THUMPD2: variants seen among roughly 807,000 people sequenced by gnomAD.
The protein encoded by THUMPD2 is U6 snRNA (guanine-N(2))-methyltransferase THUMPD2.
A neutral mutation model predicts 49.4 loss-of-function variants in THUMPD2; 56 were observed. The ratio of observed to expected loss-of-function variants is 1.13; its 90% CI spans 0.91 to 1.41. The LOEUF is 1.41. Among genes scored for constraint, THUMPD2 ranks in the 40% most tolerant of loss-of-function variants. THUMPD2 has a pLI of 0.00. For synonymous variants in THUMPD2, 237 were observed against 205.2 expected (o/e 1.15, Z -1.32); for missense variants, 709 against 594.5 (o/e 1.19, Z -2.00).
intron 8 of THUMPD2, among the ~76,000 whole-genome samples, chr2:39,753,559 A>C (rs1222298735): frequency 1.3e-5 from 2 of 152,188 alleles, no homozygotes; most frequent in African/African-American, 4.8e-5. Context: ...TACTAACTTG[A>C]CATCTTCACT....
Position 39,771,606 on chromosome 2 carries a change from G to C in THUMPD2, c.161C>G (p.Thr54Ser), listed in dbSNP as rs757752629. 1.9e-6 allele frequency: 3 copies of C among 1,603,796 alleles called. No homozygotes were observed. In the Admixed American group the frequency reaches 5.2e-5, roughly 28 times the overall value. ...EYISGKVFFT[T>S]CSDLNMLKKL... The stretch of plus-strand genomic sequence containing the variant: ...CTTCAACATATTCAAATCAGAACAG[G>C]TGGTGAAAAAAACCTTTCCTGAAAT... The change falls in exon 2 of 10, where the codon ACC (threonine) becomes AGC (serine). Residue 54 changes from threonine to serine, a missense_variant. Coordinates refer to ENST00000505747, the MANE Select transcript of THUMPD2 (RefSeq NM_025264.5).
chr2:39,736,248 T>C lies in THUMPD2; in HGVS notation c.*487A>G, dbSNP rs1673069509. 1 of 152,880 alleles carries C rather than the reference T, an allele frequency of 6.5e-6. No individual in the cohort carries two copies. The highest frequency in any genetic ancestry group is 1.5e-5 in the Non-Finnish European group (1 of 68,538). The allele number at this position is 152,880 out of a possible 1,614,324, so 9.5% of individuals were successfully genotyped here. On this transcript the variant is annotated 3_prime_UTR_variant, in exon 10 of 10. Transcript: ENST00000505747. Reference sequence around the variant, plus strand: ...TTATTCTCACTGTTGGTTTACATAATAAACATATAAAATGTATTGCAAATA... The same window carrying C: ...TTATTCTCACTGTTGGTTTACATAACAAACATATAAAATGTATTGCAAATA...
At chr2:39,745,360 C>A (rs913739202) in intron 8 of THUMPD2, among the ~76,000 whole-genome samples, 2 of 152,134 alleles carry the variant, frequency 1.3e-5, no homozygotes, top group South Asian at 4.1e-4. Context: ...TCTCCTAGTT[C>A]TAACCCTTAT....
chr2:39,748,134 T>G (rs184216010), intron 8 of THUMPD2, among the ~76,000 whole-genome samples: 4 of 152,358 alleles, frequency 2.6e-5, no homozygotes, highest in Non-Finnish European at 4.4e-5. Context: ...CAAAAGCTAA[T>G]GTATTTTGGC....
At chr2:39,749,071 T>C (rs1675026152) in intron 8 of THUMPD2, among the ~76,000 whole-genome samples, 1 of 152,180 alleles carries the variant, frequency 6.6e-6, no homozygotes, top group African/African-American at 2.4e-5. Flanking sequence ...TAATTATGAA[T>C]TATATGGGTA....
In THUMPD2 at chr2:39,738,728, T is replaced by C. The variant is rs1388300628; in HGVS notation, c.1188-1669A>G. Reference sequence around the variant, plus strand: ...TATATATGTAAAATAACAAATGCTATAGGACTAACAGGTGATCAGGATTAT... The same window carrying C: ...TATATATGTAAAATAACAAATGCTACAGGACTAACAGGTGATCAGGATTAT... On this transcript the variant is annotated intron_variant, in intron 9 of 9. Coordinates refer to ENST00000505747, the MANE Select transcript of THUMPD2 (RefSeq NM_025264.5). Among the ~76,000 whole-genome samples the C allele has an allele frequency of 5.3e-5, 8 of 150,564 alleles. No homozygotes were observed. In the South Asian group the frequency reaches 1.5e-3, roughly 28 times the overall value.
At chr2:39,739,986 T>A (rs1204958520) in intron 9 of THUMPD2, among the ~76,000 whole-genome samples, 2 of 152,192 alleles carry the variant, frequency 1.3e-5, no homozygotes, top group East Asian at 3.8e-4. Context: ...GTAGTAGTAG[T>A]AGAATAACAG....
chr2:39,748,347 AT>A (rs923421142), intron 8 of THUMPD2, among the ~76,000 whole-genome samples: 1 of 151,894 alleles, frequency 6.6e-6, no homozygotes, highest in Non-Finnish European at 1.5e-5. Context: ...ATGCAGAAGC[AT>A]TTTTTTTGCA....
At chr2:39,774,296 A>T (rs1303878435) in intron 1 of THUMPD2, among the ~76,000 whole-genome samples, 2 of 152,258 alleles carry the variant, frequency 1.3e-5, no homozygotes, top group South Asian at 4.1e-4. Flanking sequence ...GATTACATTT[A>T]TTTCAATGTT....
intron 4 of THUMPD2, 28 bp from the exon 5 acceptor site, chr2:39,766,137 T>C (rs1357187060): frequency 6.6e-7 from 1 of 1,505,278 alleles, no homozygotes; most frequent in South Asian, 1.3e-5. Flanking sequence ...GAAGTTAGAA[T>C]GGAACAAGAA....
chr2:39,755,762 AAAT>A, intron 7 of THUMPD2, 124 bp downstream of exon 7: 1 of 758,876 alleles, frequency 1.3e-6, no homozygotes, highest in Non-Finnish European at 2.1e-6. Context: ...TATTTTGAGT[AAAT>A]AATAACTCAT....
intron 9 of THUMPD2, among the ~76,000 whole-genome samples, chr2:39,742,929 T>G (rs1480384201): frequency 6.6e-6 from 1 of 152,190 alleles, no homozygotes; most frequent in African/African-American, 2.4e-5. Context: ...ATGAAATGTC[T>G]GAATTATAGG....
intron 6 of THUMPD2, chr2:39,757,245 T>C (rs1037021908): frequency 1.9e-6 from 1 of 517,948 alleles, no homozygotes; most frequent in Admixed American, 2.5e-5. Context: ...AGCAGGAACG[T>C]ACCCCACTGT....
At chr2:39,765,907 A>G in intron 5 of THUMPD2, 150 bp downstream of exon 5, 3 of 668,054 alleles carry the variant, frequency 4.5e-6, no homozygotes, top group Non-Finnish European at 7.7e-6. Context: ...TTCCGTGAAA[A>G]TACTTTATTG....
At position 39,738,768 on chromosome 2, in the gene THUMPD2, C is replaced by T. The variant is rs182334830; in HGVS notation, c.1188-1709G>A. On this transcript the variant is annotated intron_variant, in intron 9 of 9. Transcript: ENST00000505747. ...ATCAGGATTATGAGAAATCAGTGAACCCAGGGACAGCAATCCTAGCTGAAG... is the reference window on the plus strand; with the variant it reads ...ATCAGGATTATGAGAAATCAGTGAATCCAGGGACAGCAATCCTAGCTGAAG... Among the ~76,000 whole-genome samples the T allele has an allele frequency of 4.2e-3, 640 of 151,390 alleles. 5 individuals carry two copies. The highest frequency in any genetic ancestry group is 0.014 in the African/African-American group (592 of 41,234).
intron 2 of THUMPD2, 30 bp downstream of exon 2, chr2:39,771,475 A>T (rs1420617505): frequency 5.1e-6 from 8 of 1,568,276 alleles, no homozygotes; most frequent in Non-Finnish European, 6.0e-6. Context: ...TCATGTGGGT[A>T]AAAGCAACAT....
At chr2:39,746,831 T>C (rs551860127) in intron 8 of THUMPD2, among the ~76,000 whole-genome samples, 83 of 152,316 alleles carry the variant, frequency 5.4e-4, no homozygotes, top group Non-Finnish European at 9.9e-4. Flanking sequence ...ACCAGGTTCA[T>C]TGAGCACTTT....
At chr2:39,745,040 TTTATC>T (rs1207810791) in intron 8 of THUMPD2, among the ~76,000 whole-genome samples, 1 of 152,148 alleles carries the variant, frequency 6.6e-6, no homozygotes, top group Non-Finnish European at 1.5e-5. Context: ...TCTAAATTGC[TTTATC>T]TTAATGTTTT....
intron 1 of THUMPD2, among the ~76,000 whole-genome samples, chr2:39,772,922 AT>A (rs970392977): frequency 3.9e-4 from 60 of 152,202 alleles, no homozygotes; most frequent in African/African-American, 1.4e-3. Flanking sequence ...CTCCAGGCTG[AT>A]GAAAGAGAAT....
Sources: allele counts gnomAD v4.1 joint callset (sites outside exome capture counted in the v4.1 genomes callset), GRCh38; gene constraint gnomAD v4.1.1; transcripts MANE v1.5; gene names NCBI Gene and HGNC (gene_info 2026-07-23, HGNC 2026-07-21).